Variants in MRPL48 observed in about 807,000 individuals in gnomAD.
MRPL48 encodes large ribosomal subunit protein mL48.
In MRPL48, 16 loss-of-function variants were observed where a neutral mutation model predicts 32.9. The ratio of observed to expected loss-of-function variants is 0.49; its 90% CI spans 0.33 to 0.74. The LOEUF (loss-of-function observed/expected upper bound fraction) is 0.74, where lower values mean the gene tolerates loss of function less well. Among genes scored for constraint, MRPL48 ranks in the 30% least tolerant of loss-of-function variants. The pLI is 0.02. For missense variants in MRPL48, 206 were observed against 245.3 expected (o/e 0.84, Z 1.07); for synonymous variants, 94 against 89.2 (o/e 1.05, Z -0.31).
intron 6 of MRPL48, chr11:73,860,221 C>G: frequency 2.2e-6 from 1 of 463,226 alleles, no homozygotes; most frequent in East Asian, 3.8e-5. Flanking sequence ...TCATTTAATA[C>G]TGATAACCCC....
At chr11:73,811,981 G>A (rs921207931) in intron 3 of MRPL48, among the ~76,000 whole-genome samples, 1 of 152,032 alleles carries the variant, frequency 6.6e-6, no homozygotes, top group African/African-American at 2.4e-5. Flanking sequence ...CACCACCCGG[G>A]TTCACACCAT....
chr11:73,847,679 C>T (rs547737232), intron 5 of MRPL48, among the ~76,000 whole-genome samples: 1 of 152,074 alleles, frequency 6.6e-6, no homozygotes, highest in East Asian at 1.9e-4. Context: ...CTCCTGACCT[C>T]GTGATCTGCC....
intron 3 of MRPL48, among the ~76,000 whole-genome samples, chr11:73,808,856 G>T (rs1052948813): frequency 6.6e-6 from 1 of 152,056 alleles, no homozygotes; most frequent in African/African-American, 2.4e-5. Context: ...TCGGGAGGCG[G>T]AGGTTGCAGT....
chr11:73,831,940 C>CAAAAAAAAAAAA (rs4019304), intron 4 of MRPL48, among the ~76,000 whole-genome samples: 2 of 67,110 alleles, frequency 3.0e-5, no homozygotes, highest in African/African-American at 6.3e-5. Flanking sequence ...AACTCTGTCT[C>CAAAAAAAAAAAA]AAAAAAAAAA....
intron 1 of MRPL48, among the ~76,000 whole-genome samples, chr11:73,798,640 T>G (rs143248670): frequency 9.9e-5 from 15 of 152,208 alleles, no homozygotes; most frequent in African/African-American, 3.6e-4. Context: ...GGGAGGTATT[T>G]AAGTAACAGA....
intron 3 of MRPL48, among the ~76,000 whole-genome samples, chr11:73,809,105 C>T (rs1947518864): frequency 6.6e-6 from 1 of 151,956 alleles, no homozygotes; most frequent in South Asian, 2.1e-4. Context: ...CACTGCACTG[C>T]AGCCTGGGTG....
intron 4 of MRPL48, among the ~76,000 whole-genome samples, chr11:73,828,171 T>C (rs1183792389): frequency 1.3e-5 from 2 of 152,134 alleles, no homozygotes; most frequent in Non-Finnish European, 2.9e-5. Context: ...GAATATCTAT[T>C]ATGTGCTAGG....
At position 73,825,806 on chromosome 11, in the gene MRPL48, A is replaced by C; in HGVS notation, c.201+10A>C. The C allele has an allele frequency of 1.3e-6, 2 of 1,554,000 alleles. No individual in the cohort carries two copies. Among genetic ancestry groups the C allele is most frequent in the Non-Finnish European group, 1.7e-6 (2 of 1,147,934 alleles). On this transcript the variant is annotated intron_variant, in intron 4 of 7. Transcript: ENST00000310614. The stretch of plus-strand genomic sequence containing the variant: ...AATTAAAGCAGAAGAGGTAACGGGC[A>C]GGGGGAGTCTTTTGGAAAAGGATAA...
At chr11:73,826,462 A>C (rs1947891512) in intron 4 of MRPL48, among the ~76,000 whole-genome samples, 1 of 152,062 alleles carries the variant, frequency 6.6e-6, no homozygotes, top group African/African-American at 2.4e-5. Context: ...ATTTTCAGCC[A>C]TATAACTGAT....
chr11:73,801,372 G>A (rs1947360536), intron 1 of MRPL48, among the ~76,000 whole-genome samples: 1 of 152,140 alleles, frequency 6.6e-6, no homozygotes, highest in South Asian at 2.1e-4. Flanking sequence ...ATAGCTAGTG[G>A]TTGGGGGAGC....
intron 4 of MRPL48, among the ~76,000 whole-genome samples, chr11:73,836,233 C>T (rs1418761731): frequency 6.6e-6 from 1 of 152,116 alleles, no homozygotes; most frequent in Non-Finnish European, 1.5e-5. Flanking sequence ...ATTCTGGTGC[C>T]TCAGCCTCCT....
intron 4 of MRPL48, among the ~76,000 whole-genome samples, chr11:73,827,385 AAAAT>A (rs1371944138): frequency 6.6e-6 from 1 of 152,180 alleles, no homozygotes; most frequent in East Asian, 1.9e-4. Flanking sequence ...CTCTGTCTCA[AAAAT>A]AAATAGATAA....
At chr11:73,820,378 T>C (rs1947756107) in intron 3 of MRPL48, among the ~76,000 whole-genome samples, 1 of 152,014 alleles carries the variant, frequency 6.6e-6, no homozygotes, top group Admixed American at 6.6e-5. Context: ...GCATGTACCA[T>C]CACACCCGGC....
chr11:73,795,846 A>T (rs1325550065), intron 1 of MRPL48, among the ~76,000 whole-genome samples: 1 of 152,084 alleles, frequency 6.6e-6, no homozygotes, highest in East Asian at 1.9e-4. Flanking sequence ...TTTTTAGTAT[A>T]TTCACAAAGT....
chr11:73,816,821 T>G (rs955657220), intron 3 of MRPL48, among the ~76,000 whole-genome samples: 1 of 150,878 alleles, frequency 6.6e-6, no homozygotes, highest in Admixed American at 6.6e-5. Context: ...TTTGTTTATT[T>G]TGTTTATTAT....
At chr11:73,851,698 G>A (rs904240142) in intron 5 of MRPL48, among the ~76,000 whole-genome samples, 3 of 143,218 alleles carry the variant, frequency 2.1e-5, no homozygotes, top group Non-Finnish European at 3.1e-5. Flanking sequence ...CCACTACAAG[G>A]CCTGCCATAT....
intron 5 of MRPL48, among the ~76,000 whole-genome samples, chr11:73,851,566 T>G (rs1948390574): frequency 1.3e-5 from 2 of 152,308 alleles, no homozygotes; most frequent in South Asian, 4.1e-4. Context: ...TTTCAGCACT[T>G]GACACATACC....
At chr11:73,851,011 G>C (rs185863594) in intron 5 of MRPL48, 634 of 453,172 alleles carry the variant, frequency 1.4e-3, no homozygotes, top group Non-Finnish European at 2.1e-3. Context: ...TGTTCCTACT[G>C]GCAAGAGCTG....
At chr11:73,790,318 G>A (rs1222467814) in intron 1 of MRPL48, among the ~76,000 whole-genome samples, 2 of 130,654 alleles carry the variant, frequency 1.5e-5, no homozygotes, top group African/African-American at 3.0e-5. Context: ...ATCCGGATCC[G>A]CCCACCTCAG....
Sources: gnomAD v4.1 joint callset for allele counts (sites outside exome capture counted in the v4.1 genomes callset) on GRCh38, gnomAD v4.1.1 for gene constraint, MANE v1.5 for transcripts, NCBI Gene and HGNC (gene_info 2026-07-23, HGNC 2026-07-21) for gene names.